DIXDC1: variants seen among roughly 807,000 people sequenced by gnomAD.
DIXDC1 encodes the protein DIX domain containing 1.
DIXDC1 carries 64 observed loss-of-function variants against 103.1 expected under a neutral mutation model. The observed-to-expected ratio is 0.62, with a 90% CI of 0.51 to 0.76. The LOEUF is 0.76. Ranked by LOEUF, DIXDC1 falls within the 30% of genes least tolerant of loss-of-function variation. The probability of loss-of-function intolerance (pLI) is 0.00; values close to 1 mark genes in which losing one functional copy is unlikely to be tolerated. For synonymous variants in DIXDC1, 266 were observed against 298.5 expected, an observed-to-expected ratio of 0.89 and a Z score of 1.12; for missense variants, 759 against 834.2, an observed-to-expected ratio of 0.91 and a Z score of 1.11.
chr11:111,993,464 C>G lies in DIXDC1; in HGVS notation c.1273-32C>G, dbSNP rs782048018. 2.5e-6 allele frequency: 4 copies of G among 1,612,004 alleles called. No individual in the cohort carries two copies. In the East Asian group the frequency reaches 8.9e-5, roughly 36 times the overall value. Reference sequence around the variant, plus strand: ...GAACTTTTCAGTGTCCCTGGTTTTGCCGCTCATCTTAAAGCTCTATCTTTA... The same window carrying G: ...GAACTTTTCAGTGTCCCTGGTTTTGGCGCTCATCTTAAAGCTCTATCTTTA... On this transcript the variant is annotated intron_variant, in intron 12 of 19. Coordinates refer to ENST00000440460, the MANE Select transcript of DIXDC1 (RefSeq NM_001037954.4).
At chr11:111,993,087 T>G in intron 12 of DIXDC1, 83 bp downstream of exon 12, 2 of 1,428,908 alleles carry the variant, frequency 1.4e-6, no homozygotes, top group Non-Finnish European at 1.9e-6. Flanking sequence ...AGCACTTAAG[T>G]ATTCTATTTT....
At chr11:111,944,981 A>T (rs1966544328) in intron 1 of DIXDC1, among the ~76,000 whole-genome samples, 1 of 152,188 alleles carries the variant, frequency 6.6e-6, no homozygotes, top group Non-Finnish European at 1.5e-5. Context: ...GGTCTTTTTT[A>T]AAAAATTAGT....
intron 17 of DIXDC1, among the ~76,000 whole-genome samples, chr11:111,997,459 C>T (rs1189256864): frequency 6.6e-6 from 1 of 152,116 alleles, no homozygotes; most frequent in Non-Finnish European, 1.5e-5. Context: ...CCTCAGGCTC[C>T]CCAGTAGCTG....
chr11:112,019,433 G>T lies in DIXDC1; in HGVS notation c.*397G>T, dbSNP rs185899730. ...AGTATTATTTTAATTGGCCTCAATG[G>T]TTGCAGCAATCAGAGTCCCAGCGTT... On this transcript the variant is annotated 3_prime_UTR_variant, in exon 20 of 20. Transcript: ENST00000440460. 1 of 153,926 alleles carries T rather than the reference G, an allele frequency of 6.5e-6. No individual in the cohort carries two copies. The highest frequency in any genetic ancestry group is 1.9e-4 in the East Asian group (1 of 5,248). The allele number at this position is 153,926 out of a possible 1,614,324, so 9.5% of individuals were successfully genotyped here. A position where few individuals can be genotyped will look rare whatever the true frequency, so the allele number is the denominator to read the frequency against.
In DIXDC1 at chr11:111,977,423, G is replaced by T. The variant is rs1023274114; in HGVS notation, c.656+2440G>T. The T allele has an allele frequency of 2.1e-5, 25 of 1,195,332 alleles. No homozygotes were observed. The highest frequency in any genetic ancestry group is 2.6e-5 in the Non-Finnish European group (25 of 961,098). The allele number at this position is 1,195,332 out of a possible 1,614,324, so 74.0% of individuals were successfully genotyped here. The stretch of plus-strand genomic sequence containing the variant: ...TTGAGATGCCCCCGCCAGGGGGGAT[G>T]CCCGGCACCGTGCGTCCGCGGAGGC... On this transcript the variant is annotated intron_variant, in intron 5 of 19. Coordinates refer to ENST00000440460, the MANE Select transcript of DIXDC1 (RefSeq NM_001037954.4). The surrounding 1 kb of genome is among the most constrained non-coding windows in gnomAD (Gnocchi z 6.1).
chr11:111,977,614 C>G lies in DIXDC1; in HGVS notation c.656+2631C>G. 3 of 1,520,274 alleles carry G rather than the reference C, an allele frequency of 2.0e-6. No individual in the cohort carries two copies. Among genetic ancestry groups the G allele is most frequent in the Non-Finnish European group, 2.6e-6 (3 of 1,134,078 alleles). The allele number at this position is 1,520,274 out of a possible 1,614,324, so 94.2% of individuals were successfully genotyped here. Reference sequence around the variant, plus strand: ...CCGCCGCCGTTCCCGCTTTCTCCCGCGAGCCGGGCCAGTAGCTTTGCTAGC... The same window carrying G: ...CCGCCGCCGTTCCCGCTTTCTCCCGGGAGCCGGGCCAGTAGCTTTGCTAGC... On this transcript the variant is annotated intron_variant, in intron 5 of 19. Coordinates refer to ENST00000440460, the MANE Select transcript of DIXDC1 (RefSeq NM_001037954.4). This position sits in a 1 kb window ranked among gnomAD's most constrained non-coding sequence, Gnocchi z 6.1.
rs1297415190 is a variant in DIXDC1, at chr11:111,960,318, G to A, written c.61-4231G>A. Among the ~76,000 whole-genome samples the A allele has an allele frequency of 4.6e-5, 7 of 151,712 alleles. No homozygotes were observed. The South Asian group carries it at 6.3e-4, about 14-fold the overall frequency. ...TAGAAAAGCAGTAACAATTTTGGCC[G>A]GGCGCAGTGGCTCACGCCTGTAATC... On this transcript the variant is annotated intron_variant, in intron 1 of 19. Transcript: ENST00000440460.
rs1320143258 is a variant in DIXDC1 at position 111,977,946 on chromosome 11, C to A, written c.657-2791C>A. ...GACCAGGGGTTATCACTATAAAATA[C>A]GGTGGGCGTAGGAAGTGGAGCCAGC... On this transcript the variant is annotated intron_variant, in intron 5 of 19. Coordinates refer to ENST00000440460, the MANE Select transcript of DIXDC1 (RefSeq NM_001037954.4). This position sits in a 1 kb window ranked among gnomAD's most constrained non-coding sequence, Gnocchi z 6.1. Among the ~76,000 whole-genome samples, 4 of 151,974 alleles carry A rather than the reference C, an allele frequency of 2.6e-5. No individual in the cohort carries two copies. Among genetic ancestry groups the A allele is most frequent in the African/African-American group, 9.7e-5 (4 of 41,366 alleles).
chr11:111,969,245 T>C (rs1555171861), intron 3 of DIXDC1, among the ~76,000 whole-genome samples: 3 of 151,852 alleles, frequency 2.0e-5, no homozygotes, highest in Non-Finnish European at 2.9e-5. Flanking sequence ...CTGGGCAACA[T>C]AGTTAGGCTC....
upstream of DIXDC1, chr11:111,937,137 G>GGGGGC: frequency 1.4e-6 from 1 of 736,434 alleles, no homozygotes; most frequent in Non-Finnish European, 1.7e-6. Flanking sequence ...CGGGCGGGGG[G>GGGGGC]GGGGTGTGCG....
intron 17 of DIXDC1, among the ~76,000 whole-genome samples, chr11:112,013,323 GGGGT>G (rs1861484947): frequency 3.7e-5 from 5 of 133,644 alleles, no homozygotes; most frequent in African/African-American, 1.5e-4. Flanking sequence ...TCGGGGGGTG[GGGGT>G]GGGGTGGGGG....
In DIXDC1 at chr11:111,985,167, G is replaced by A. The variant is rs587695620; in HGVS notation, c.919-65G>A. The A allele has an allele frequency of 1.1e-4, 143 of 1,329,482 alleles. No homozygotes were observed. The South Asian group carries it at 1.7e-3, about 16-fold the overall frequency. 82.4% of individuals were successfully genotyped at this position (1,329,482 alleles called of 1,614,324 possible). A position where few individuals can be genotyped will look rare whatever the true frequency, so the allele number is the denominator to read the frequency against. ...TTTTAACTTGGGGTGAGCTTACCAA[G>A]TTCAACTCTGGACTAAGTCATCTGA... On this transcript the variant is annotated intron_variant, in intron 7 of 19. Transcript: ENST00000440460.
intron 17 of DIXDC1, among the ~76,000 whole-genome samples, chr11:112,005,096 T>C (rs1256861444): frequency 6.6e-6 from 1 of 152,164 alleles, no homozygotes; most frequent in Non-Finnish European, 1.5e-5. Context: ...AACTGATTCA[T>C]ATGTTAAAGG....
upstream of DIXDC1, chr11:111,937,217 G>A (rs1347347060): frequency 8.8e-7 from 1 of 1,130,106 alleles, no homozygotes; most frequent in Non-Finnish European, 1.1e-6. Context: ...GCAGGAAAGC[G>A]GGGCTGGGGG....
At chr11:111,965,551 T>C (rs1859701187) in intron 2 of DIXDC1, among the ~76,000 whole-genome samples, 1 of 152,216 alleles carries the variant, frequency 6.6e-6, no homozygotes. Context: ...ATAGGGACAG[T>C]TTATGAATTC....
chr11:112,014,328 T>G (rs1297880484), intron 17 of DIXDC1, among the ~76,000 whole-genome samples: 8 of 152,364 alleles, frequency 5.3e-5, no homozygotes, highest in Non-Finnish European at 1.0e-4. Flanking sequence ...CAGAGTCTTT[T>G]GTGATCTGGC....
chr11:111,986,632 G>A (rs1860499712), intron 8 of DIXDC1, among the ~76,000 whole-genome samples: 1 of 151,926 alleles, frequency 6.6e-6, no homozygotes, highest in African/African-American at 2.4e-5. Context: ...CCAAAGTGCT[G>A]GGATTACAGA....
At chr11:111,937,232 C>T (rs1174753929), upstream of DIXDC1, 24 of 1,181,308 alleles carry the variant, frequency 2.0e-5, no homozygotes, top group Admixed American at 4.7e-5. Context: ...TGGGGGCAGC[C>T]CGGCAGCGCC....
chr11:111,992,481 AG>A lies in DIXDC1; in HGVS notation c.1183del (p.Ala395GlnfsTer19). On this transcript the variant is annotated frameshift_variant, in exon 11 of 20. Coordinates refer to ENST00000440460, the MANE Select transcript of DIXDC1 (RefSeq NM_001037954.4). LOFTEE classifies it high-confidence loss of function. Reference sequence around the variant, plus strand: ...TCTTCAGCTCAAACAAGAGCTACTGAGGGCAAATATGGACAAAGATGAGCTG... The same window carrying A: ...TCTTCAGCTCAAACAAGAGCTACTGAGGCAAATATGGACAAAGATGAGCTG... The part of the protein sequence containing the change: ...SVLQLKQELL[R>X]ANMDKDELHN... 6.3e-7 allele frequency: 1 copy of A among 1,578,036 alleles called. No homozygotes were observed. Among genetic ancestry groups the A allele is most frequent in the Non-Finnish European group, 8.6e-7 (1 of 1,161,096 alleles).
Sources: allele counts gnomAD v4.1 joint callset (sites outside exome capture counted in the v4.1 genomes callset), GRCh38; gene constraint gnomAD v4.1.1; non-coding constraint Gnocchi (gnomAD v3.1); transcripts MANE v1.5; gene names NCBI Gene and HGNC (gene_info 2026-07-23, HGNC 2026-07-21).